SBF2: variants seen among roughly 807,000 people sequenced by gnomAD.
SBF2 encodes myotubularin-related protein 13.
Under a neutral mutation model 225.2 loss-of-function variants are expected in SBF2, and 112 were observed. The observed-to-expected ratio is 0.50, with a 90% CI of 0.43 to 0.58. The LOEUF (loss-of-function observed/expected upper bound fraction) is 0.58. Among genes scored for constraint, SBF2 ranks in the 20% least tolerant of loss-of-function variants. SBF2 has a pLI of 0.00. For missense variants in SBF2, 1,996 were observed against 2,206.2 expected (o/e 0.90, Z 1.91); for synonymous variants, 763 against 773.3 (o/e 0.99, Z 0.22).
At chr11:9,932,892 C>T (rs957394638) in intron 16 of SBF2, among the ~76,000 whole-genome samples, 1 of 133,782 alleles carries the variant, frequency 7.5e-6, no homozygotes, top group Non-Finnish European at 1.5e-5. Context: ...ACCCATCTCA[C>T]ATGAAGAGAC....
intron 2 of SBF2, among the ~76,000 whole-genome samples, chr11:10,052,546 T>C (rs1158873696): frequency 1.3e-5 from 2 of 152,196 alleles, no homozygotes; most frequent in African/African-American, 2.4e-5. Flanking sequence ...AAGGCTGGAA[T>C]TGTTAGACAT....
At chr11:9,987,971 A>T (rs1303000891) in intron 13 of SBF2, among the ~76,000 whole-genome samples, 1 of 152,192 alleles carries the variant, frequency 6.6e-6, no homozygotes, top group Non-Finnish European at 1.5e-5. Flanking sequence ...AGCAAGACTA[A>T]GCAAAAAGAA....
chr11:9,948,904 T>C (rs1865707235), intron 16 of SBF2, among the ~76,000 whole-genome samples: 1 of 152,202 alleles, frequency 6.6e-6, no homozygotes, highest in Non-Finnish European at 1.5e-5. Flanking sequence ...CTTATTTGCT[T>C]TGTCTTCTGA....
chr11:10,192,215 G>C (rs1051360034), intron 2 of SBF2, among the ~76,000 whole-genome samples: 35 of 152,194 alleles, frequency 2.3e-4, no homozygotes, highest in African/African-American at 7.9e-4. Context: ...GGAATGCAAA[G>C]GGCTTTCCAA....
chr11:10,293,976 G>T, intron 1 of SBF2, 39 bp downstream of exon 1: 1 of 1,299,142 alleles, frequency 7.7e-7, no homozygotes, highest in Non-Finnish European at 9.8e-7. Context: ...CGGCCGGGGG[G>T]CGGGGAGGCC....
intron 32 of SBF2, among the ~76,000 whole-genome samples, chr11:9,800,284 C>T (rs1024465749): frequency 4.6e-5 from 7 of 151,990 alleles, no homozygotes; most frequent in Non-Finnish European, 7.4e-5. Flanking sequence ...TTTAAGGTTT[C>T]TTTATGTGTT....
chr11:10,141,052 C>T (rs995080659), intron 2 of SBF2, among the ~76,000 whole-genome samples: 2 of 152,008 alleles, frequency 1.3e-5, no homozygotes, highest in Admixed American at 6.6e-5. Context: ...ATGACTCGGT[C>T]CAGAGATGCA....
At chr11:10,082,783 GA>G (rs1199587712) in intron 2 of SBF2, among the ~76,000 whole-genome samples, 2 of 152,196 alleles carry the variant, frequency 1.3e-5, no homozygotes, top group East Asian at 3.9e-4. Flanking sequence ...ACATCATACT[GA>G]AGGGGGAAAA....
chr11:9,906,219 G>C (rs1411549320), intron 16 of SBF2, among the ~76,000 whole-genome samples: 1 of 152,164 alleles, frequency 6.6e-6, no homozygotes, highest in Admixed American at 6.5e-5. Flanking sequence ...AAGTTCAACA[G>C]ACTTGAGCTG....
At chr11:9,890,054 C>T (rs768407837) in intron 17 of SBF2, among the ~76,000 whole-genome samples, 1 of 152,146 alleles carries the variant, frequency 6.6e-6, no homozygotes, top group African/African-American at 2.4e-5. Flanking sequence ...CAGAAGTGTG[C>T]CACCATGCCC....
chr11:10,023,110 A>C (rs1948922390), intron 6 of SBF2, among the ~76,000 whole-genome samples: 1 of 152,180 alleles, frequency 6.6e-6, no homozygotes, highest in South Asian at 2.1e-4. Flanking sequence ...CTTTCTAAAA[A>C]AGATAATTGC....
chr11:9,991,681 G>A (rs1307075856), intron 12 of SBF2, among the ~76,000 whole-genome samples: 1 of 152,108 alleles, frequency 6.6e-6, no homozygotes, highest in African/African-American at 2.4e-5. Flanking sequence ...TTAAAAAAGA[G>A]CACAATAAAT....
At chr11:10,202,720 G>A (rs574112198) in intron 1 of SBF2, among the ~76,000 whole-genome samples, 5 of 152,220 alleles carry the variant, frequency 3.3e-5, no homozygotes, top group Admixed American at 6.5e-5. Context: ...CCCGGGAGGC[G>A]GAGCTTGCAG....
At chr11:10,084,248 G>GA (rs571157602) in intron 2 of SBF2, among the ~76,000 whole-genome samples, 35 of 147,518 alleles carry the variant, frequency 2.4e-4, no homozygotes, top group South Asian at 4.3e-4. Context: ...GGAACTTTTG[G>GA]AAAAAAAAAA....
At chr11:9,871,498 T>TTATTATTAC (rs1858738831) in intron 17 of SBF2, among the ~76,000 whole-genome samples, 2 of 147,656 alleles carry the variant, frequency 1.4e-5, no homozygotes, top group South Asian at 2.1e-4. Context: ...ATTATTATTA[T>TTATTATTAC]TATTATTATT....
intron 1 of SBF2, among the ~76,000 whole-genome samples, chr11:10,199,477 A>G (rs1218458019): frequency 6.6e-6 from 1 of 152,188 alleles, no homozygotes; most frequent in Admixed American, 6.5e-5. Flanking sequence ...AGACTTGTTC[A>G]ACATTGGGTT....
Position 9,803,997 on chromosome 11 carries a change from T to G in SBF2, c.4443+4003A>C, listed in dbSNP as rs145463458. On this transcript the variant is annotated intron_variant, in intron 32 of 39. Coordinates refer to ENST00000256190, the MANE Select transcript of SBF2 (RefSeq NM_030962.4). ...GCACAGAGGCCCAAGTATTGAGTAATGCAGGGGTGAAATGGAGGCTATCGT... is the reference window on the plus strand; with the variant it reads ...GCACAGAGGCCCAAGTATTGAGTAAGGCAGGGGTGAAATGGAGGCTATCGT... 2.4e-3 allele frequency among the ~76,000 whole-genome samples: 369 copies of G among 152,228 alleles called. 3 individuals are homozygous for G. Among genetic ancestry groups the G allele is most frequent in the African/African-American group, 8.6e-3 (356 of 41,528 alleles).
At chr11:10,282,320 T>C (rs1354259297) in intron 1 of SBF2, among the ~76,000 whole-genome samples, 6 of 152,194 alleles carry the variant, frequency 3.9e-5, no homozygotes, top group African/African-American at 1.4e-4. Context: ...CTGAGTACAA[T>C]TCTGAGGCCA....
At chr11:9,944,615 C>A (rs564600450) in intron 16 of SBF2, among the ~76,000 whole-genome samples, 1 of 152,224 alleles carries the variant, frequency 6.6e-6, no homozygotes, top group South Asian at 2.1e-4. Flanking sequence ...GTGAAAAAAT[C>A]TCTGCAGTGA....
Sources: allele counts gnomAD v4.1 joint callset (sites outside exome capture counted in the v4.1 genomes callset), GRCh38; gene constraint gnomAD v4.1.1; transcripts MANE v1.5; gene names NCBI Gene and HGNC (gene_info 2026-07-23, HGNC 2026-07-21).